LOXHD1: variants seen among roughly 807,000 people sequenced by gnomAD.
LOXHD1 encodes the protein lipoxygenase homology domain-containing protein 1.
LOXHD1 carries 205 observed loss-of-function variants against 248.2 expected under a neutral mutation model. That is an observed-to-expected ratio of 0.83 (90% CI 0.74 to 0.93). The LOEUF (loss-of-function observed/expected upper bound fraction) is 0.93, where lower values mean the gene tolerates loss of function less well. Ranked by LOEUF, LOXHD1 falls within the 40% of genes least tolerant of loss-of-function variation. LOXHD1 has a pLI of 0.00. For synonymous variants in LOXHD1, 1,113 were observed against 1,162.8 expected (o/e 0.96, Z 0.87); for missense variants, 2,930 against 2,971.6 (o/e 0.99, Z 0.33).
chr18:46,534,959 C>T (rs1025098338), intron 26 of LOXHD1, among the ~76,000 whole-genome samples: 1 of 152,206 alleles, frequency 6.6e-6, no homozygotes, highest in Non-Finnish European at 1.5e-5. Context: ...TTTGCACATG[C>T]TTTGCTTGCC....
At chr18:46,616,145 CTCTGT>C (rs2053231403) in intron 5 of LOXHD1, among the ~76,000 whole-genome samples, 1 of 152,026 alleles carries the variant, frequency 6.6e-6, no homozygotes, top group African/African-American at 2.4e-5. Context: ...TAAATGCTGA[CTCTGT>C]TCTATTTATT....
Position 46,557,376 on chromosome 18 carries a change from A to G in LOXHD1, c.3330T>C (p.Thr1110=). 2 of 1,552,132 alleles carry G rather than the reference A, an allele frequency of 1.3e-6. No homozygotes were observed. The highest frequency in any genetic ancestry group is 1.4e-5 in the African/African-American group (1 of 73,016). ...AGWFLDRIDI[T]DMNNEITYYF... ...CTCACGTGATCTCGTTGTTCATGTCAGTAATGTCTATTCTGTCCAGGAACC... is the reference window on the plus strand; with the variant it reads ...CTCACGTGATCTCGTTGTTCATGTCGGTAATGTCTATTCTGTCCAGGAACC... Residue 1110 remains threonine, a synonymous_variant, in exon 21 of 41, where the codon ACT becomes ACC. Transcript: ENST00000642948.
chr18:46,517,224 A>C (rs1296842429), intron 34 of LOXHD1, among the ~76,000 whole-genome samples: 1 of 152,194 alleles, frequency 6.6e-6, no homozygotes, highest in Non-Finnish European at 1.5e-5. Context: ...AAACCAGCCC[A>C]AACCCAGGAC....
Position 46,579,801 on chromosome 18 carries a change from G to A in LOXHD1, c.1655-17C>T, listed in dbSNP as rs373597111. On this transcript the variant is annotated splice_polypyrimidine_tract_variant and intron_variant, in intron 12 of 40. Transcript: ENST00000642948. The stretch of plus-strand genomic sequence containing the variant: ...ACCGGGCCACTGGCAGGCAGAGAGA[G>A]GGACATCATTGCTGACAGCCCCCTG... 2.6e-6 allele frequency: 4 copies of A among 1,548,756 alleles called. No homozygotes were observed. In the African/African-American group the frequency reaches 4.1e-5, roughly 16 times the overall value.
chr18:46,571,914 A>C (rs988851207), intron 15 of LOXHD1, among the ~76,000 whole-genome samples, 172 bp downstream of exon 15: 1 of 152,224 alleles, frequency 6.6e-6, no homozygotes, highest in East Asian at 1.9e-4. Flanking sequence ...GACTGTGTGC[A>C]GGAGCACAGG....
intron 5 of LOXHD1, among the ~76,000 whole-genome samples, chr18:46,615,284 GTTT>G (rs2038569687): frequency 6.6e-6 from 1 of 152,204 alleles, no homozygotes; most frequent in Non-Finnish European, 1.5e-5. Context: ...CCAAGGGCCA[GTTT>G]TTCTCTCCCA....
At chr18:46,560,863 C>T (rs35815794) in intron 18 of LOXHD1, among the ~76,000 whole-genome samples, 253 of 152,090 alleles carry the variant, frequency 1.7e-3, no homozygotes, top group Non-Finnish European at 3.0e-3. Context: ...CGCGCGCGCG[C>T]GCGCCTCATT....
intron 2 of LOXHD1, among the ~76,000 whole-genome samples, chr18:46,647,746 G>T (rs1398828150): frequency 6.6e-6 from 1 of 152,176 alleles, no homozygotes; most frequent in Non-Finnish European, 1.5e-5. Context: ...CATGTCACGT[G>T]GGGCCTGGCC....
rs192903097 is a variant in LOXHD1 at position 46,561,673 on chromosome 18, T to C, written c.2599-1128A>G. On this transcript the variant is annotated intron_variant, in intron 18 of 40. Coordinates refer to ENST00000642948, the MANE Select transcript of LOXHD1 (RefSeq NM_001384474.1). Reference sequence around the variant, plus strand: ...GACCTAGATGAGAACTCAGGCCTTCTGACCCCCTGTTCATGAGTCCACAAT... The same window carrying C: ...GACCTAGATGAGAACTCAGGCCTTCCGACCCCCTGTTCATGAGTCCACAAT... 6.6e-5 allele frequency among the ~76,000 whole-genome samples: 10 copies of C among 152,348 alleles called. No homozygotes were observed. In the East Asian group the frequency reaches 9.6e-4, roughly 15 times the overall value.
chr18:46,577,755 C>G lies in LOXHD1; in HGVS notation c.1922G>C (p.Arg641Thr). The change falls in exon 14 of 41, where the codon AGA becomes ACA. Residue 641 changes from arginine to threonine, a missense_variant. Physicochemically the swap from Arg to Thr is moderately conservative, Grantham distance 71. Transcript: ENST00000642948. Reference protein sequence around the residue: ...SGWYLDRVLVREEGQPESDNV... With the variant: ...SGWYLDRVLVTEEGQPESDNV... ...GTCGCTCTCAGGCTGCCCCTCCTCT[C>G]TCACCAGCACTCTGTCCAGGTACCA... 2 of 1,551,680 alleles carry G rather than the reference C, an allele frequency of 1.3e-6. No homozygotes were observed. Among genetic ancestry groups the G allele is most frequent in the Non-Finnish European group, 1.7e-6 (2 of 1,146,984 alleles).
At chr18:46,654,173 G>C (rs143341304) in intron 1 of LOXHD1, among the ~76,000 whole-genome samples, 19 of 152,294 alleles carry the variant, frequency 1.2e-4, no homozygotes, top group African/African-American at 3.4e-4. Context: ...CCAGATACTG[G>C]CACCTTGATC....
chr18:46,656,049 A>G (rs2039177100), intron 1 of LOXHD1, among the ~76,000 whole-genome samples: 1 of 152,220 alleles, frequency 6.6e-6, no homozygotes, highest in Admixed American at 6.5e-5. Flanking sequence ...GAGTGAATGC[A>G]TGGATGACTA....
intron 1 of LOXHD1, 135 bp downstream of exon 1, chr18:46,656,769 G>T: frequency 9.5e-7 from 1 of 1,052,672 alleles, no homozygotes; most frequent in Non-Finnish European, 1.4e-6. Flanking sequence ...GAGGGGATAT[G>T]GAACAGACAC....
chr18:46,486,002 C>T (rs1259597128), intron 38 of LOXHD1, among the ~76,000 whole-genome samples: 1 of 152,014 alleles, frequency 6.6e-6, no homozygotes, highest in Non-Finnish European at 1.5e-5. Flanking sequence ...TGGCGTGGCT[C>T]ACTGACTCAC....
chr18:46,567,304 AG>A (rs1252644569), intron 16 of LOXHD1, among the ~76,000 whole-genome samples: 1 of 152,256 alleles, frequency 6.6e-6, no homozygotes, highest in African/African-American at 2.4e-5. Flanking sequence ...TGGTGCCAAA[AG>A]GCCAGATTTA....
At chr18:46,644,727 A>G (rs2039006617) in intron 2 of LOXHD1, among the ~76,000 whole-genome samples, 1 of 151,816 alleles carries the variant, frequency 6.6e-6, no homozygotes, top group African/African-American at 2.4e-5. Context: ...GTCTCTAAAA[A>G]AGAAAAAAAA....
intron 4 of LOXHD1, among the ~76,000 whole-genome samples, chr18:46,632,872 G>A (rs1008001617): frequency 2.6e-5 from 4 of 152,112 alleles, no homozygotes; most frequent in Admixed American, 6.5e-5. Context: ...GCTTATTCAC[G>A]TGTGATGTCT....
rs1359512792 is a variant in LOXHD1 at position 46,563,241 on chromosome 18, C to T, written c.2438-16G>A. 2.0e-6 allele frequency: 3 copies of T among 1,480,182 alleles called. No homozygotes were observed. The allele number at this position is 1,480,182 out of a possible 1,614,324, so 91.7% of individuals were successfully genotyped here. A position where few individuals can be genotyped will look rare whatever the true frequency, so the allele number is the denominator to read the frequency against. On this transcript the variant is annotated splice_polypyrimidine_tract_variant and intron_variant, in intron 17 of 40. Coordinates refer to ENST00000642948, the MANE Select transcript of LOXHD1 (RefSeq NM_001384474.1). ...TAGTGGACCACTGGGTGGGCACGTG[C>T]AGAAGAAGTGGAACATTTAGTAATA...
intron 37 of LOXHD1, among the ~76,000 whole-genome samples, chr18:46,490,055 TG>T (rs1377199056): frequency 6.6e-6 from 1 of 152,250 alleles, no homozygotes; most frequent in East Asian, 1.9e-4. Flanking sequence ...CTTGCCTGCA[TG>T]GTGTAAATAG....
Sources: allele counts gnomAD v4.1 joint callset (sites outside exome capture counted in the v4.1 genomes callset), GRCh38; gene constraint gnomAD v4.1.1; transcripts MANE v1.5; gene names NCBI Gene and HGNC (gene_info 2026-07-23, HGNC 2026-07-21).